Variants in FRMD4A observed in about 807,000 individuals in gnomAD.
FRMD4A encodes the protein FERM domain containing 4A, also known as FERM domain-containing protein 4A.
Under a neutral mutation model 129.1 loss-of-function variants are expected in FRMD4A, and 29 were observed. The observed-to-expected ratio is 0.22, with a 90% confidence interval of 0.17 to 0.31. The LOEUF (loss-of-function observed/expected upper bound fraction) is 0.31, where lower values mean the gene tolerates loss of function less well. FRMD4A is among the 10% of genes least tolerant of loss of function. The pLI is 1.00. For missense variants in FRMD4A, 1,272 were observed against 1,375.8 expected, an observed-to-expected ratio of 0.92 and a Z score of 1.19; for synonymous variants, 634 against 571.6, an observed-to-expected ratio of 1.11 and a Z score of -1.56.
intron 2 of FRMD4A, among the ~76,000 whole-genome samples, chr10:14,192,319 T>G (rs1842343468): frequency 1.3e-5 from 2 of 152,260 alleles, no homozygotes; most frequent in Non-Finnish European, 2.9e-5. Context: ...CCTGTTTTGC[T>G]TATCTTATTT....
At chr10:14,150,914 A>G (rs1341357850) in intron 2 of FRMD4A, among the ~76,000 whole-genome samples, 1 of 152,234 alleles carries the variant, frequency 6.6e-6, no homozygotes, top group Non-Finnish European at 1.5e-5. Flanking sequence ...AGATGAAGGA[A>G]TTTGCAGACT....
At chr10:13,663,400 A>G (rs989416824) in intron 19 of FRMD4A, 53 bp downstream of exon 19, 3 of 965,220 alleles carry the variant, frequency 3.1e-6, no homozygotes, top group Admixed American at 1.7e-5. Flanking sequence ...ATAGAAATTC[A>G]TCTCTGTTTA....
chr10:13,684,536 C>T (rs577133181), intron 15 of FRMD4A: 74 of 985,342 alleles, frequency 7.5e-5, no homozygotes, highest in Middle Eastern at 1.0e-3. Flanking sequence ...GCTCTCCTCC[C>T]GGCCGGCAGA....
chr10:13,984,356 T>A (rs1447214190), intron 2 of FRMD4A, among the ~76,000 whole-genome samples: 1 of 152,134 alleles, frequency 6.6e-6, no homozygotes, highest in Non-Finnish European at 1.5e-5. Flanking sequence ...CCCTTTCAGT[T>A]CCAGATACTG....
chr10:14,170,708 CAAACATTTGGT>C (rs1479687193), intron 2 of FRMD4A, among the ~76,000 whole-genome samples: 3 of 152,190 alleles, frequency 2.0e-5, no homozygotes, highest in Non-Finnish European at 4.4e-5. Flanking sequence ...ATTTACCGCA[CAAACATTTGGT>C]AAAAACATAG....
intron 2 of FRMD4A, among the ~76,000 whole-genome samples, chr10:13,970,321 C>A (rs1313102185): frequency 6.6e-6 from 1 of 152,154 alleles, no homozygotes; most frequent in Non-Finnish European, 1.5e-5. Flanking sequence ...GGTGAAGAAG[C>A]AGGAGCAGGG....
At chr10:14,029,212 C>T (rs913283614) in intron 2 of FRMD4A, among the ~76,000 whole-genome samples, 3 of 151,704 alleles carry the variant, frequency 2.0e-5, no homozygotes, top group African/African-American at 7.3e-5. Context: ...CTCCAGCGGG[C>T]TTAACGTTTT....
intron 2 of FRMD4A, among the ~76,000 whole-genome samples, chr10:14,209,051 C>G (rs1270146959): frequency 1.3e-5 from 2 of 152,046 alleles, no homozygotes; most frequent in Non-Finnish European, 2.9e-5. Context: ...GTTCCATTTC[C>G]AAGGCCACAG....
chr10:13,904,884 G>A (rs796319001), intron 2 of FRMD4A, among the ~76,000 whole-genome samples: 32 of 151,078 alleles, frequency 2.1e-4, no homozygotes, highest in African/African-American at 7.3e-4. Context: ...TCCCAGCTAC[G>A]CAGGAGGCTG....
chr10:14,148,280 A>G (rs1840175686), intron 2 of FRMD4A, among the ~76,000 whole-genome samples: 1 of 152,168 alleles, frequency 6.6e-6, no homozygotes, highest in Admixed American at 6.5e-5. Context: ...AGCTCTATGG[A>G]GTTTATATGT....
intron 17 of FRMD4A, among the ~76,000 whole-genome samples, chr10:13,669,243 G>A (rs975798739): frequency 1.3e-5 from 2 of 151,956 alleles, no homozygotes; most frequent in East Asian, 3.9e-4. Flanking sequence ...TATCTTTTTG[G>A]TAGAGATAGG....
Position 13,890,499 on chromosome 10 carries a change from G to A in FRMD4A, c.46-31587C>T, listed in dbSNP as rs886960028. ...CTTACGGATGCAGAGGTGGAAGGGG[G>A]GTACCAGCAGCTGAACCCTCAATCA... is the stretch of plus-strand genomic sequence containing the variant. On this transcript the variant is annotated intron_variant, in intron 2 of 24. Coordinates refer to ENST00000357447, the MANE Select transcript of FRMD4A (RefSeq NM_018027.5). The A allele has an allele frequency of 3.1e-6, 3 of 972,772 alleles. No individual in the cohort carries two copies. The South Asian group carries it at 1.4e-4, about 46-fold the overall frequency. 60.3% of individuals were successfully genotyped at this position (972,772 alleles called of 1,614,324 possible). A position where few individuals can be genotyped will look rare whatever the true frequency, so the allele number is the denominator to read the frequency against.
intron 2 of FRMD4A, chr10:13,890,736 G>A (rs2094685646): frequency 2.0e-6 from 2 of 985,372 alleles, no homozygotes; most frequent in Non-Finnish European, 2.4e-6. Flanking sequence ...TCATGGTGGG[G>A]TCAGGGAGTC....
chr10:14,289,332 C>T (rs1015335920), intron 2 of FRMD4A, among the ~76,000 whole-genome samples: 3 of 151,904 alleles, frequency 2.0e-5, no homozygotes, highest in Admixed American at 6.6e-5. Context: ...ACAAATGTGA[C>T]GTGATATCAT....
At chr10:13,972,456 G>A in intron 2 of FRMD4A, 1 of 243,622 alleles carries the variant, frequency 4.1e-6, no homozygotes, top group Non-Finnish European at 6.6e-6. Flanking sequence ...TGGCTGGAAA[G>A]AATACTTATC....
chr10:14,102,449 C>A (rs758927737), intron 2 of FRMD4A, among the ~76,000 whole-genome samples: 17 of 152,176 alleles, frequency 1.1e-4, no homozygotes, highest in East Asian at 3.9e-4. Context: ...ATCACTTGAA[C>A]CCGGGAGGCG....
At chr10:13,959,259 G>A (rs1171449637) in intron 2 of FRMD4A, among the ~76,000 whole-genome samples, 2 of 152,084 alleles carry the variant, frequency 1.3e-5, no homozygotes, top group Admixed American at 1.3e-4. Flanking sequence ...AGATCATGAG[G>A]TCAGGAGTTT....
chr10:14,255,935 T>A (rs1844599229), intron 2 of FRMD4A, among the ~76,000 whole-genome samples: 1 of 146,198 alleles, frequency 6.8e-6, no homozygotes, highest in South Asian at 2.2e-4. Context: ...GAACCGAGAA[T>A]GCAGAGGTTG....
intron 2 of FRMD4A, among the ~76,000 whole-genome samples, chr10:14,229,141 T>G (rs889900819): frequency 6.6e-6 from 1 of 152,030 alleles, no homozygotes; most frequent in African/African-American, 2.4e-5. Flanking sequence ...CCAGGCCTTT[T>G]GAATGGTGGG....
Sources: allele counts gnomAD v4.1 joint callset (sites outside exome capture counted in the v4.1 genomes callset), GRCh38; gene constraint gnomAD v4.1.1; transcripts MANE v1.5; gene names NCBI Gene and HGNC (gene_info 2026-07-23, HGNC 2026-07-21).